TRPM1: variants seen among roughly 807,000 people sequenced by gnomAD.
TRPM1 encodes TRPM1-203 APA Isoform, Intron 10.
TRPM1 carries 113 observed loss-of-function variants against 149.4 expected under a neutral mutation model. The observed-to-expected ratio is 0.76, with a 90% CI of 0.65 to 0.88. The LOEUF (loss-of-function observed/expected upper bound fraction) is 0.88, where lower values mean the gene tolerates loss of function less well. Ranked by LOEUF, TRPM1 falls within the 40% of genes least tolerant of loss-of-function variation. The pLI is 0.00. For synonymous variants in TRPM1, 741 were observed against 759.5 expected (o/e 0.98, Z 0.40); for missense variants, 1,976 against 2,038.7 (o/e 0.97, Z 0.59).
At position 31,156,028 on chromosome 15, in the gene TRPM1, C is replaced by A. The variant is rs370402705; in HGVS notation, c.54+4878G>T. Among the ~76,000 whole-genome samples, 52 of 151,748 alleles carry A rather than the reference C, an allele frequency of 3.4e-4. No individual in the cohort carries two copies. The East Asian group carries it at 8.5e-3, about 25-fold the overall frequency. ...CCTGGCCAACATGGTGAAACCCCGTCTCTACTAAAAATACAAAAATTAGCC... is the reference window on the plus strand; with the variant it reads ...CCTGGCCAACATGGTGAAACCCCGTATCTACTAAAAATACAAAAATTAGCC... On this transcript the variant is annotated intron_variant, in intron 1 of 26. Coordinates refer to the TRPM1 transcript ENST00000542188.
At chr15:31,158,682 C>A (rs1320837211) in intron 1 of TRPM1, among the ~76,000 whole-genome samples, 2 of 151,074 alleles carry the variant, frequency 1.3e-5, no homozygotes, top group African/African-American at 4.9e-5. Flanking sequence ...AACAGCTACT[C>A]CATAGACAGA....
At chr15:31,113,539 T>G (rs556963455) in intron 1 of TRPM1, among the ~76,000 whole-genome samples, 9 of 151,360 alleles carry the variant, frequency 5.9e-5, no homozygotes, top group Non-Finnish European at 1.3e-4. Context: ...CATTTTTCTT[T>G]GTACTCCTAA....
chr15:31,009,150 T>C (rs1315033803), intron 27 of TRPM1, among the ~76,000 whole-genome samples: 1 of 152,072 alleles, frequency 6.6e-6, no homozygotes, highest in Non-Finnish European at 1.5e-5. Flanking sequence ...TTTTGAAGAA[T>C]GTTTTTGTTG....
At chr15:31,135,970 A>C (rs2036082870) in intron 1 of TRPM1, among the ~76,000 whole-genome samples, 1 of 152,198 alleles carries the variant, frequency 6.6e-6, no homozygotes, top group African/African-American at 2.4e-5. Context: ...ACACCCTTGA[A>C]AAAGTAAGTG....
chr15:31,146,616 C>A (rs2036227727), intron 1 of TRPM1, among the ~76,000 whole-genome samples: 1 of 152,204 alleles, frequency 6.6e-6, no homozygotes, highest in Admixed American at 6.5e-5. Flanking sequence ...CTTGAAATAA[C>A]CTGATATTAA....
chr15:31,087,231 A>ATTTTGTTTTTTTT (rs2035026612), intron 1 of TRPM1, among the ~76,000 whole-genome samples: 1 of 59,402 alleles, frequency 1.7e-5, no homozygotes, highest in African/African-American at 7.1e-5. Flanking sequence ...CTCAATAGGG[A>ATTTTGTTTTTTTT]TTTTTTTTTT....
At chr15:31,133,733 C>T (rs2036051961) in intron 1 of TRPM1, among the ~76,000 whole-genome samples, 1 of 151,962 alleles carries the variant, frequency 6.6e-6, no homozygotes, top group African/African-American at 2.4e-5. Context: ...AGGAAAAGGA[C>T]ACAATAGACA....
intron 1 of TRPM1, among the ~76,000 whole-genome samples, chr15:31,092,415 T>C (rs953550062): frequency 6.6e-6 from 1 of 151,992 alleles, no homozygotes; most frequent in Non-Finnish European, 1.5e-5. Context: ...AAAGAGGAGA[T>C]GGAGGGTCAC....
rs2034367422 is a variant in TRPM1 at position 31,066,099 on chromosome 15, ATGT to A, written c.764_766del (p.His255_Ile256delinsLeu). The A allele has an allele frequency of 6.8e-6, 11 of 1,613,710 alleles. No individual in the cohort carries two copies. The highest frequency in any genetic ancestry group is 9.3e-6 in the Non-Finnish European group (11 of 1,179,928). On this transcript the variant is annotated inframe_deletion, in exon 7 of 28. Transcript: ENST00000256552. ...ACTTGTGTTGATCTTCTGCAGGGAG[ATGT>A]GCTTTTCCAGCAGCCTTCGCAGCTT...
rs2031807161 is a variant in TRPM1, at chr15:31,002,345, T to A, written c.4355A>T (p.Asn1452Ile). The change falls in exon 28 of 28, where the codon AAT becomes ATT. Residue 1452 changes from asparagine (N) to isoleucine (I), a missense_variant. Physicochemically the swap from Asn to Ile is moderately radical, Grantham distance 149 (BLOSUM62 -3). Coordinates refer to ENST00000256552, the MANE Select transcript of TRPM1 (RefSeq NM_001252024.2). ...ITRYFPDETI[N>I]ACKTMKSRSF... is the part of the protein sequence containing the mutation. ...TCTGGACTTCATTGTTTTACAAGCA[T>A]TGATCGTTTCATCGGGGAAATAGCG... 6.2e-7 allele frequency: 1 copy of A among 1,614,154 alleles called. No individual in the cohort carries two copies. The highest frequency in any genetic ancestry group is 8.5e-7 in the Non-Finnish European group (1 of 1,180,064).
chr15:31,078,433 C>T (rs1318829793), intron 2 of TRPM1, among the ~76,000 whole-genome samples: 2 of 152,198 alleles, frequency 1.3e-5, no homozygotes, highest in African/African-American at 2.4e-5. Flanking sequence ...AGATCCAAGT[C>T]GGCTTGTTAC....
chr15:31,056,811 G>A (rs2034099087), intron 11 of TRPM1, among the ~76,000 whole-genome samples: 1 of 152,136 alleles, frequency 6.6e-6, no homozygotes, highest in African/African-American at 2.4e-5. Context: ...TAGCAAGAAG[G>A]CCCTGACAAG....
chr15:31,100,501 T>C (rs2035491491), intron 1 of TRPM1, among the ~76,000 whole-genome samples: 1 of 151,942 alleles, frequency 6.6e-6, no homozygotes, highest in South Asian at 2.1e-4. Flanking sequence ...TATGCACAAC[T>C]ATGATGTACT....
At chr15:31,157,956 G>A (rs1021019498) in intron 1 of TRPM1, among the ~76,000 whole-genome samples, 1 of 152,054 alleles carries the variant, frequency 6.6e-6, no homozygotes, top group African/African-American at 2.4e-5. Context: ...AGGAAACCGG[G>A]AACCGACACT....
intron 1 of TRPM1, among the ~76,000 whole-genome samples, chr15:31,138,797 A>T (rs924133579): frequency 2.0e-5 from 3 of 151,844 alleles, no homozygotes; most frequent in Admixed American, 6.6e-5. Flanking sequence ...GCTGACTTTT[A>T]AAAAAAATTC....
chr15:31,129,845 G>A (rs183880881), intron 1 of TRPM1, among the ~76,000 whole-genome samples: 7 of 152,300 alleles, frequency 4.6e-5, no homozygotes, highest in Non-Finnish European at 8.8e-5. Context: ...CATGGGTTCC[G>A]GTAGGCCACC....
At position 31,033,142 on chromosome 15, in the gene TRPM1, A is replaced by G. The variant is rs530692069; in HGVS notation, c.2701-202T>C. On this transcript the variant is annotated intron_variant, in intron 21 of 27. Coordinates refer to ENST00000256552, the MANE Select transcript of TRPM1 (RefSeq NM_001252024.2). ...CGGAATCCTCCCTATTCTTAGATTC[A>G]GGGTTTTACAAACTCAGGAAATGCC... is the stretch of plus-strand genomic sequence containing the variant. 1.5e-5 allele frequency: 10 copies of G among 680,814 alleles called. No individual in the cohort carries two copies. The East Asian group carries it at 2.5e-4, about 17-fold the overall frequency. The allele number at this position is 680,814 out of a possible 1,614,324, so 42.2% of individuals were successfully genotyped here.
chr15:31,004,764 A>C (rs748961406), intron 27 of TRPM1, among the ~76,000 whole-genome samples: 3 of 151,970 alleles, frequency 2.0e-5, no homozygotes, highest in Non-Finnish European at 4.4e-5. Context: ...TTCACTATTA[A>C]CTTTCCATTA....
intron 9 of TRPM1, 32 bp downstream of exon 9, chr15:31,062,547 A>T: frequency 6.2e-7 from 1 of 1,613,414 alleles, no homozygotes; most frequent in South Asian, 1.1e-5. Flanking sequence ...CTCTCCACAG[A>T]GCTTGTTTGG....
Sources: gnomAD v4.1 joint callset for allele counts (sites outside exome capture counted in the v4.1 genomes callset) on GRCh38, gnomAD v4.1.1 for gene constraint, MANE v1.5 for transcripts, NCBI Gene and HGNC (gene_info 2026-07-23, HGNC 2026-07-21) for gene names.